UNC79: variants seen among roughly 807,000 people sequenced by gnomAD.
The protein encoded by UNC79 is protein unc-79 homolog.
In UNC79, 37 loss-of-function variants were observed where a neutral mutation model predicts 283.1. That is an observed-to-expected ratio of 0.13 (90% CI 0.10 to 0.17). The LOEUF (loss-of-function observed/expected upper bound fraction) is 0.17. UNC79 is among the 10% of genes least tolerant of loss of function. The probability of loss-of-function intolerance (pLI) is 1.00; values close to 1 mark genes in which losing one functional copy is unlikely to be tolerated. For missense variants in UNC79, 2,272 were observed against 3,211.1 expected, an observed-to-expected ratio of 0.71 and a Z score of 7.07; for synonymous variants, 1,107 against 1,200.2, an observed-to-expected ratio of 0.92 and a Z score of 1.61.
At chr14:93,481,384 G>A (rs2058132290) in intron 4 of UNC79, among the ~76,000 whole-genome samples, 1 of 152,134 alleles carries the variant, frequency 6.6e-6, no homozygotes, top group African/African-American at 2.4e-5. Context: ...GAAATATGGA[G>A]ATTTGGGAGA....
intron 1 of UNC79, among the ~76,000 whole-genome samples, chr14:93,383,753 A>G (rs1454207913): frequency 1.3e-5 from 2 of 152,002 alleles, no homozygotes; most frequent in Non-Finnish European, 2.9e-5. Context: ...CCGAAATCTC[A>G]TCTAGAATTG....
chr14:93,637,178 G>T, intron 31 of UNC79, 38 bp from the exon 35 acceptor site: 1 of 947,576 alleles, frequency 1.1e-6, no homozygotes, highest in South Asian at 1.3e-5. Context: ...GTGCTAAGAT[G>T]ACCACATCAA....
intron 1 of UNC79, among the ~76,000 whole-genome samples, chr14:93,352,118 A>G (rs2053989695): frequency 6.6e-6 from 1 of 152,228 alleles, no homozygotes; most frequent in South Asian, 2.1e-4. Context: ...GTGTGAGCAC[A>G]GTGGCTAATC....
chr14:93,637,846 T>C (rs779250404), intron 32 of UNC79, among the ~76,000 whole-genome samples: 3 of 152,202 alleles, frequency 2.0e-5, no homozygotes, highest in African/African-American at 4.8e-5. Flanking sequence ...CTCAGACATA[T>C]CAGTTTTCCA....
intron 41 of UNC79, among the ~76,000 whole-genome samples, chr14:93,677,492 C>T (rs141958965): frequency 9.2e-5 from 14 of 152,254 alleles, no homozygotes; most frequent in African/African-American, 3.4e-4. Context: ...TTATTCACTA[C>T]CATGAGAACA....
intron 14 of UNC79, among the ~76,000 whole-genome samples, chr14:93,568,053 G>A (rs1192808812): frequency 6.6e-6 from 1 of 152,154 alleles, no homozygotes. Context: ...ATCTCAGTGT[G>A]GCAGAGGGAA....
intron 1 of UNC79, among the ~76,000 whole-genome samples, chr14:93,450,779 C>T (rs2056611357): frequency 6.6e-6 from 1 of 152,120 alleles, no homozygotes; most frequent in Non-Finnish European, 1.5e-5. Context: ...TCTATTTTTA[C>T]TCATTGTGGT....
intron 31 of UNC79, 162 bp from the exon 35 acceptor site, chr14:93,637,054 A>G: frequency 1.5e-6 from 1 of 663,762 alleles, no homozygotes; most frequent in South Asian, 1.7e-5. Flanking sequence ...AAAGCCCCAA[A>G]TAACCCTACC....
intron 47 of UNC79, among the ~76,000 whole-genome samples, 170 bp from the exon 51 acceptor site, chr14:93,704,455 G>T (rs900542168): frequency 3.9e-5 from 6 of 152,234 alleles, no homozygotes; most frequent in African/African-American, 1.4e-4. Flanking sequence ...GCTCAGCGGG[G>T]TTTGGCCTCA....
At chr14:93,598,237 C>T (rs1250164584) in intron 24 of UNC79, among the ~76,000 whole-genome samples, 4 of 152,144 alleles carry the variant, frequency 2.6e-5, no homozygotes, top group Admixed American at 1.3e-4. Flanking sequence ...GCAATCCTCC[C>T]GCTTTGGCCT....
chr14:93,396,137 A>AT (rs934378722), intron 1 of UNC79, among the ~76,000 whole-genome samples: 28 of 138,852 alleles, frequency 2.0e-4, no homozygotes, highest in Admixed American at 2.9e-4. Context: ...AAGTTCATTC[A>AT]TTTTTTTTTT....
intron 47 of UNC79, among the ~76,000 whole-genome samples, chr14:93,702,464 G>A (rs1015767995): frequency 2.0e-5 from 3 of 152,098 alleles, no homozygotes; most frequent in Admixed American, 6.6e-5. Flanking sequence ...TCAAATTAGC[G>A]AATTATATAC....
intron 1 of UNC79, chr14:93,334,416 G>A (rs2053529531): frequency 6.6e-6 from 1 of 152,228 alleles, no homozygotes; most frequent in East Asian, 1.9e-4. Context: ...TAGCTGGTAA[G>A]GGTCACTTCA....
intron 38 of UNC79, 80 bp downstream of exon 41, chr14:93,655,487 G>T: frequency 6.5e-7 from 1 of 1,527,550 alleles, no homozygotes; most frequent in Non-Finnish European, 8.9e-7. Flanking sequence ...CAGAGTCTTG[G>T]GTGATTTAAT....
At chr14:93,593,337 A>G (rs146856076) in intron 22 of UNC79, among the ~76,000 whole-genome samples, 1 of 152,318 alleles carries the variant, frequency 6.6e-6, no homozygotes, top group Admixed American at 6.5e-5. Context: ...ACTGTAAGAA[A>G]ATTTTTAAAA....
At chr14:93,562,436 C>T (rs902913665) in intron 14 of UNC79, among the ~76,000 whole-genome samples, 1 of 152,136 alleles carries the variant, frequency 6.6e-6, no homozygotes, top group Non-Finnish European at 1.5e-5. Flanking sequence ...AGTGCGTCCA[C>T]ATAAAAGTTC....
chr14:93,551,122 T>C (rs2061871986), intron 14 of UNC79, among the ~76,000 whole-genome samples: 1 of 152,178 alleles, frequency 6.6e-6, no homozygotes, highest in African/African-American at 2.4e-5. Flanking sequence ...CAATCTCGGC[T>C]CACTGCAAGC....
intron 41 of UNC79, among the ~76,000 whole-genome samples, chr14:93,682,092 C>T (rs9944159): frequency 0.012 from 1,852 of 152,206 alleles, 44 homozygotes; most frequent in African/African-American, 0.042. Flanking sequence ...TCTGGGCCCC[C>T]AGAGAAGGAG....
chr14:93,543,997 T>G (rs1246040261), intron 14 of UNC79, among the ~76,000 whole-genome samples: 4 of 152,204 alleles, frequency 2.6e-5, no homozygotes, highest in African/African-American at 9.7e-5. Context: ...GAAAATTGAA[T>G]TTTTGCCTAA....
Sources: allele counts gnomAD v4.1 joint callset (sites outside exome capture counted in the v4.1 genomes callset), GRCh38; gene constraint gnomAD v4.1.1; transcripts MANE v1.5; gene names NCBI Gene and HGNC (gene_info 2026-07-23, HGNC 2026-07-21).